The following MBP variants were observed in gnomAD, a reference collection of about 807,000 sequenced individuals.
MBP encodes the protein Golli-MBP.
A neutral mutation model predicts 35.8 loss-of-function variants in MBP; 16 were observed. The observed-to-expected ratio is 0.45, with a 90% CI of 0.30 to 0.68. The LOEUF (loss-of-function observed/expected upper bound fraction) is 0.68, where lower values mean the gene tolerates loss of function less well. Ranked by LOEUF, MBP falls within the 30% of genes least tolerant of loss-of-function variation. The probability of loss-of-function intolerance (pLI) is 0.08; values close to 1 mark genes in which losing one functional copy is unlikely to be tolerated. For synonymous variants in MBP, 143 were observed against 159.6 expected, an observed-to-expected ratio of 0.90 and a Z score of 0.78; for missense variants, 380 against 404.7, an observed-to-expected ratio of 0.94 and a Z score of 0.52.
rs562638008 is a variant in MBP, at chr18:77,029,004, G to A, written c.140-11736C>T. Among the ~76,000 whole-genome samples, 445 of 108,154 alleles carry A rather than the reference G, an allele frequency of 4.1e-3. 48 individuals carry two copies. The highest frequency in any genetic ancestry group is 0.034 in the East Asian group (119 of 3,530). The allele number at this position is 108,154 out of a possible 152,430, so 71.0% of individuals were successfully genotyped here. On this transcript the variant is annotated intron_variant, in intron 3 of 8. Coordinates refer to ENST00000355994, the MANE Select transcript of MBP (RefSeq NM_001025101.2). Reference sequence around the variant, plus strand: ...CAGAGACGCTCCTCACTTCCCAGACGGGGTGGCGGCCGGGCAGAGGCTGCA... The same window carrying A: ...CAGAGACGCTCCTCACTTCCCAGACAGGGTGGCGGCCGGGCAGAGGCTGCA...
At chr18:77,041,028 C>T (rs1365130331) in intron 3 of MBP, among the ~76,000 whole-genome samples, 1 of 151,830 alleles carries the variant, frequency 6.6e-6, no homozygotes, top group African/African-American at 2.4e-5. Context: ...TTGCAATCTA[C>T]TCATCTGAGA....
rs1277470724 is a variant in MBP, at chr18:76,980,386, A to AT, written c.*40dup. The AT allele has an allele frequency of 1.3e-6, 2 of 1,587,054 alleles. No homozygotes were observed. The highest frequency in any genetic ancestry group is 2.7e-5 in the African/African-American group (2 of 74,242). ...GGGATTAAAGTTTTAAGGCAGTTAT[A>AT]TTAAGAAGCTGAGGACAGGATTCCG... On this transcript the variant is annotated 3_prime_UTR_variant, in exon 9 of 9. Transcript: ENST00000355994.
intron 2 of MBP, among the ~76,000 whole-genome samples, chr18:77,073,302 G>A (rs1974522226): frequency 6.6e-6 from 1 of 152,216 alleles, no homozygotes; most frequent in Non-Finnish European, 1.5e-5. Context: ...CTAGGCTCAT[G>A]TTAAGAACAG....
chr18:76,984,609 C>A lies in MBP; in HGVS notation c.870+166G>T, dbSNP rs1969427087. 6.0e-6 allele frequency: 5 copies of A among 831,016 alleles called. No individual in the cohort carries two copies. In the South Asian group the frequency reaches 8.6e-5, roughly 14 times the overall value. The allele number at this position is 831,016 out of a possible 1,614,324, so 51.5% of individuals were successfully genotyped here. ...CTCGGAGGAAATCCACGCGTAAATG[C>A]GGGTGGGCAATGCCACCTGAGCCCC... is the stretch of plus-strand genomic sequence containing the variant. On this transcript the variant is annotated intron_variant, in intron 8 of 8. Coordinates refer to ENST00000355994, the MANE Select transcript of MBP (RefSeq NM_001025101.2).
chr18:77,014,433 T>G, intron 4 of MBP: 2 of 985,486 alleles, frequency 2.0e-6, no homozygotes, highest in African/African-American at 1.7e-5. Context: ...CAGAACTGTG[T>G]GTGGGGCAGG....
intron 3 of MBP, among the ~76,000 whole-genome samples, chr18:77,052,871 G>C (rs932038067): frequency 2.6e-5 from 4 of 152,038 alleles, no homozygotes; most frequent in Non-Finnish European, 5.9e-5. Flanking sequence ...TATACCCCCC[G>C]GGTGGACTTC....
At chr18:77,050,463 T>G (rs1973443718) in intron 3 of MBP, among the ~76,000 whole-genome samples, 1 of 152,230 alleles carries the variant, frequency 6.6e-6, no homozygotes, top group Non-Finnish European at 1.5e-5. Flanking sequence ...GCCACAGTAT[T>G]AGCTGTTTAC....
intron 2 of MBP, among the ~76,000 whole-genome samples, chr18:77,091,177 A>T (rs1771695937): frequency 6.7e-6 from 1 of 149,954 alleles, no homozygotes; most frequent in Non-Finnish European, 1.5e-5. Flanking sequence ...GTGAGGTTGC[A>T]CACACAGCTA....
At chr18:77,013,580 C>G in intron 4 of MBP, 2 of 985,394 alleles carry the variant, frequency 2.0e-6, no homozygotes, top group Non-Finnish European at 2.4e-6. Flanking sequence ...ACAAACAGTT[C>G]TTCTCCATAC....
At chr18:77,084,431 C>CACACACACACACACACACACACACA (rs60600826) in intron 2 of MBP, among the ~76,000 whole-genome samples, 4 of 105,966 alleles carry the variant, frequency 3.8e-5, no homozygotes, top group Non-Finnish European at 6.0e-5. Flanking sequence ...CCACACCACA[C>CACACACACACACACACACACACACA]CACACACACA....
chr18:77,074,269 TG>T (rs1340636229), intron 2 of MBP, among the ~76,000 whole-genome samples: 2 of 151,118 alleles, frequency 1.3e-5, no homozygotes, highest in East Asian at 3.9e-4. Context: ...CAGAAGACAA[TG>T]GGTTCAGTGA....
intron 7 of MBP, chr18:76,985,716 T>A (rs1230893720): frequency 3.0e-6 from 3 of 1,011,874 alleles, no homozygotes; most frequent in South Asian, 8.0e-5. Flanking sequence ...TCCGGCTGTG[T>A]GGCCTTGGGC....
intron 3 of MBP, among the ~76,000 whole-genome samples, chr18:77,028,797 A>ACG (rs1972379404): frequency 2.4e-4 from 15 of 63,564 alleles, no homozygotes; most frequent in Admixed American, 3.5e-4. Flanking sequence ...GGGCGGAGGG[A>ACG]CTCCTGACTT....
Position 76,988,548 on chromosome 18 carries a change from A to G in MBP, c.718-21T>C. ...CTCCCCTGCATGAGGAAGACAGAGAAATAATGACATGGTGGTCAGTGAAGG... is the reference window on the plus strand; with the variant it reads ...CTCCCCTGCATGAGGAAGACAGAGAGATAATGACATGGTGGTCAGTGAAGG... On this transcript the variant is annotated intron_variant, in intron 6 of 8. Coordinates refer to ENST00000355994, the MANE Select transcript of MBP (RefSeq NM_001025101.2). This position sits in a 1 kb window ranked among gnomAD's most constrained non-coding sequence, Gnocchi z 5.2. 1 of 1,606,904 alleles carries G rather than the reference A, an allele frequency of 6.2e-7. No individual in the cohort carries two copies. Among genetic ancestry groups the G allele is most frequent in the Non-Finnish European group, 8.5e-7 (1 of 1,175,246 alleles).
chr18:77,054,794 C>T (rs998401555), intron 3 of MBP, among the ~76,000 whole-genome samples: 5 of 151,932 alleles, frequency 3.3e-5, no homozygotes, highest in African/African-American at 7.3e-5. Context: ...CGGCGGGTGA[C>T]GTCACCATGC....
At chr18:77,013,756 G>A in intron 4 of MBP, 8 of 985,450 alleles carry the variant, frequency 8.1e-6, no homozygotes, top group Non-Finnish European at 9.6e-6. Flanking sequence ...ACGGAGAAGT[G>A]GGGTACTGGG....
At chr18:77,060,579 T>G (rs1443137671) in intron 3 of MBP, among the ~76,000 whole-genome samples, 1 of 151,396 alleles carries the variant, frequency 6.6e-6, no homozygotes, top group Non-Finnish European at 1.5e-5. Context: ...GCCTTCCAAG[T>G]AGCCAGGATT....
intron 2 of MBP, among the ~76,000 whole-genome samples, chr18:77,092,448 G>T (rs974651052): frequency 6.6e-6 from 1 of 152,218 alleles, no homozygotes; most frequent in Non-Finnish European, 1.5e-5. Context: ...TCAGCACCGC[G>T]CTCTCCAGAT....
intron 2 of MBP, among the ~76,000 whole-genome samples, chr18:77,095,916 C>T (rs138911801): frequency 7.8e-4 from 119 of 152,342 alleles, no homozygotes; most frequent in African/African-American, 2.5e-3. Context: ...ACAAAGTTTA[C>T]GCTCACTGGA....
Sources: allele counts gnomAD v4.1 joint callset (sites outside exome capture counted in the v4.1 genomes callset), GRCh38; gene constraint gnomAD v4.1.1; non-coding constraint Gnocchi (gnomAD v3.1); transcripts MANE v1.5; gene names NCBI Gene and HGNC (gene_info 2026-07-23, HGNC 2026-07-21).